Variants in ZC3H12B observed in about 807,000 individuals in gnomAD.
ZC3H12B encodes probable ribonuclease ZC3H12B.
ZC3H12B carries 7 observed loss-of-function variants against 43.9 expected under a neutral mutation model. The observed-to-expected ratio is 0.16, with a 90% CI of 0.09 to 0.30. ZC3H12B has a LOEUF of 0.30. ZC3H12B is among the 10% of genes least tolerant of loss of function. The probability of loss-of-function intolerance (pLI) is 1.00; values close to 1 mark genes in which losing one functional copy is unlikely to be tolerated. For missense variants in ZC3H12B, 475 were observed against 670.2 expected, an observed-to-expected ratio of 0.71 and a Z score of 3.22; for synonymous variants, 222 against 241.7, an observed-to-expected ratio of 0.92 and a Z score of 0.76.
the ZC3H12B span, among the ~76,000 whole-genome samples, chrX:65,103,262 A>G: frequency 1.3e-4 from 15 of 111,667 alleles, no homozygotes; most frequent in East Asian, 4.2e-3. Context: ...TTCCTTGCTG[A>G]GAAAAAGAAT....
chrX:65,331,233 T>A, the ZC3H12B span: 1 of 125,771 alleles, frequency 8.0e-6, no homozygotes, highest in East Asian at 2.5e-4. Flanking sequence ...TTTGGCATCA[T>A]TTATAAGTGA....
the ZC3H12B span, among the ~76,000 whole-genome samples, chrX:65,284,092 T>A: frequency 5.4e-5 from 6 of 110,494 alleles, no homozygotes; most frequent in South Asian, 2.3e-3. Context: ...ACAGAGAGTA[T>A]GCTATTATTT....
chrX:65,269,317 C>A, the ZC3H12B span, among the ~76,000 whole-genome samples: 1 of 107,835 alleles, frequency 9.3e-6, no homozygotes, highest in African/African-American at 3.4e-5. Context: ...TGCACTCCAG[C>A]CTGGCGACAG....
At chrX:65,150,486 C>T in the ZC3H12B span, among the ~76,000 whole-genome samples, 1 of 109,698 alleles carries the variant, frequency 9.1e-6, no homozygotes, top group Non-Finnish European at 1.9e-5. Flanking sequence ...AAGTTCCTTC[C>T]CTGCCCCCGA....
chrX:65,442,103 A>G (rs2067308741), intron 3 of ZC3H12B, among the ~76,000 whole-genome samples: 1 of 106,908 alleles, frequency 9.4e-6, no homozygotes, highest in Non-Finnish European at 1.9e-5. Context: ...AACAAGCTCC[A>G]GGAAATGGAG....
chrX:65,297,187 T>G, the ZC3H12B span, among the ~76,000 whole-genome samples: 1 of 111,110 alleles, frequency 9.0e-6, no homozygotes. Flanking sequence ...TAATCTAAAT[T>G]AGTAAAGAGA....
At chrX:65,156,424 A>C in the ZC3H12B span, among the ~76,000 whole-genome samples, 1 of 111,764 alleles carries the variant, frequency 8.9e-6, no homozygotes, top group African/African-American at 3.3e-5. Flanking sequence ...TCCATCGCCC[A>C]TGCTGGAGTG....
rs182999651 is a variant in ZC3H12B at position 65,420,630 on chromosome X, C to T, written n.407+21926C>T. ...GCAATCAACCCTAAAGAAACAGAGACCTACAGACTGCCTGTCAATTGAAGA... is the reference window on the plus strand; with the variant it reads ...GCAATCAACCCTAAAGAAACAGAGATCTACAGACTGCCTGTCAATTGAAGA... On this transcript the variant is annotated intron_variant and non_coding_transcript_variant, in intron 3 of 5. Transcript: ENST00000617377. 3.6e-5 allele frequency among the ~76,000 whole-genome samples: 4 copies of T among 111,968 alleles called. No individual in the cohort carries two copies. The Admixed American group carries it at 3.8e-4, about 11-fold the overall frequency.
intron 3 of ZC3H12B, chrX:65,469,709 T>A (rs1180563570): frequency 1.5e-5 from 2 of 130,006 alleles, no homozygotes; most frequent in African/African-American, 6.3e-5. Context: ...GGAGGCTCAC[T>A]CCTGTAATCC....
At chrX:65,360,489 A>T in the ZC3H12B span, among the ~76,000 whole-genome samples, 1 of 112,345 alleles carries the variant, frequency 8.9e-6, no homozygotes, top group Non-Finnish European at 1.9e-5. Flanking sequence ...TGCAAATTAA[A>T]ACCACAATGA....
the ZC3H12B span, among the ~76,000 whole-genome samples, chrX:65,037,117 A>T: frequency 1.8e-5 from 2 of 110,504 alleles, no homozygotes; most frequent in Admixed American, 1.9e-4. Context: ...TAAATTGCTT[A>T]CCCAATGGTA....
chrX:65,160,248 C>A, the ZC3H12B span, among the ~76,000 whole-genome samples: 4 of 111,759 alleles, frequency 3.6e-5, no homozygotes, highest in Non-Finnish European at 7.5e-5. Flanking sequence ...CTCTACCCGG[C>A]TTTGGTATCA....
the ZC3H12B span, among the ~76,000 whole-genome samples, chrX:65,265,392 T>C: frequency 8.9e-6 from 1 of 112,018 alleles, no homozygotes; most frequent in Non-Finnish European, 1.9e-5. Context: ...TTTAAATTAG[T>C]GTACTGGTCA....
At chrX:65,162,315 C>T in the ZC3H12B span, among the ~76,000 whole-genome samples, 2 of 111,660 alleles carry the variant, frequency 1.8e-5, no homozygotes, top group African/African-American at 6.5e-5. Context: ...TGCTGGCCTG[C>T]CTTGCTAGAT....
At chrX:65,112,553 G>A in the ZC3H12B span, among the ~76,000 whole-genome samples, 9 of 111,811 alleles carry the variant, frequency 8.0e-5, no homozygotes, top group Non-Finnish European at 3.8e-5. Flanking sequence ...ACTTTAAGTT[G>A]AAGCCAATGC....
chrX:65,192,437 T>G, the ZC3H12B span, among the ~76,000 whole-genome samples: 1 of 111,671 alleles, frequency 9.0e-6, no homozygotes, highest in South Asian at 3.8e-4. Context: ...TTTTAGATCT[T>G]AGATAAAAGG....
At chrX:65,198,232 G>T in the ZC3H12B span, among the ~76,000 whole-genome samples, 1 of 111,540 alleles carries the variant, frequency 9.0e-6, no homozygotes, top group Non-Finnish European at 1.9e-5. Flanking sequence ...ATTTTTTATT[G>T]GATTATCTGA....
At chrX:65,103,052 C>G in the ZC3H12B span, among the ~76,000 whole-genome samples, 1 of 111,341 alleles carries the variant, frequency 9.0e-6, no homozygotes, top group Non-Finnish European at 1.9e-5. Context: ...AACATCTTAT[C>G]AGGAGACAGG....
chrX:65,256,399 A>G, the ZC3H12B span, among the ~76,000 whole-genome samples: 1 of 112,155 alleles, frequency 8.9e-6, no homozygotes, highest in Non-Finnish European at 1.9e-5. Context: ...TCAAAGTCAT[A>G]TAATTACATT....
Sources: allele counts gnomAD v4.1 joint callset (sites outside exome capture counted in the v4.1 genomes callset), GRCh38; gene constraint gnomAD v4.1.1; transcripts MANE v1.5; gene names NCBI Gene and HGNC (gene_info 2026-07-23, HGNC 2026-07-21).